RABGAP1L: variants seen among roughly 807,000 people sequenced by gnomAD.
RABGAP1L encodes the protein RAB GTPase activating protein 1 like, also known as rab GTPase-activating protein 1-like.
A neutral mutation model predicts 137.7 loss-of-function variants in RABGAP1L; 63 were observed. The observed-to-expected ratio is 0.46, with a 90% CI of 0.37 to 0.56. The LOEUF (loss-of-function observed/expected upper bound fraction) is 0.56, where lower values mean the gene tolerates loss of function less well. RABGAP1L is among the 20% of genes least tolerant of loss of function. The pLI is 0.00. For synonymous variants in RABGAP1L, 431 were observed against 433.7 expected, an observed-to-expected ratio of 0.99 and a Z score of 0.08; for missense variants, 1,095 against 1,244.0, an observed-to-expected ratio of 0.88 and a Z score of 1.80.
intron 19 of RABGAP1L, among the ~76,000 whole-genome samples, chr1:174,882,346 G>A (rs1007593164): frequency 6.6e-6 from 1 of 152,100 alleles, no homozygotes; most frequent in African/African-American, 2.4e-5. Context: ...TGGTTCTCAG[G>A]TGTGGATACT....
chr1:174,936,326 G>A lies in RABGAP1L; in HGVS notation c.2341-21131G>A, dbSNP rs546079700. ...CTACTAAAAATAAGAAAATTAGCTG[G>A]GAGTGCTGGCATAGACCTGTGGTGC... is the stretch of plus-strand genomic sequence containing the variant. On this transcript the variant is annotated intron_variant, in intron 19 of 25. Coordinates refer to ENST00000681986, the MANE Select transcript of RABGAP1L (RefSeq NM_001366446.1). Among the ~76,000 whole-genome samples the A allele has an allele frequency of 2.6e-5, 4 of 152,044 alleles. No individual in the cohort carries two copies. The South Asian group carries it at 6.2e-4, about 24-fold the overall frequency.
At chr1:174,720,868 T>G (rs1053102521) in intron 17 of RABGAP1L, among the ~76,000 whole-genome samples, 10 of 152,202 alleles carry the variant, frequency 6.6e-5, no homozygotes, top group Non-Finnish European at 1.2e-4. Context: ...GCAAATATAC[T>G]AAAAACCAAC....
At chr1:174,352,437 CTT>C (rs911329836) in intron 11 of RABGAP1L, among the ~76,000 whole-genome samples, 7 of 152,178 alleles carry the variant, frequency 4.6e-5, no homozygotes, top group Admixed American at 1.3e-4. Context: ...ATTTCAGTCT[CTT>C]TGTTAAATTT....
rs150032273 is a variant in RABGAP1L, at chr1:174,977,515, A to G, written c.2650-1292A>G. On this transcript the variant is annotated intron_variant, in intron 22 of 25. Coordinates refer to ENST00000681986, the MANE Select transcript of RABGAP1L (RefSeq NM_001366446.1). Reference sequence around the variant, plus strand: ...CAATTGATACCTAAAATGGGAAGGAATATGACACTTGAATACTCACCTAGT... The same window carrying G: ...CAATTGATACCTAAAATGGGAAGGAGTATGACACTTGAATACTCACCTAGT... 8.1e-4 allele frequency among the ~76,000 whole-genome samples: 123 copies of G among 152,378 alleles called. 1 individual carries two copies. Among genetic ancestry groups the G allele is most frequent in the African/African-American group, 2.8e-3 (115 of 41,584 alleles).
At chr1:174,164,042 C>T (rs1664719055) in intron 1 of RABGAP1L, among the ~76,000 whole-genome samples, 1 of 152,058 alleles carries the variant, frequency 6.6e-6, no homozygotes, top group Non-Finnish European at 1.5e-5. Context: ...GGAACATGAG[C>T]ACAAATACTA....
chr1:174,463,729 C>A (rs1321041049), intron 13 of RABGAP1L, among the ~76,000 whole-genome samples: 1 of 151,906 alleles, frequency 6.6e-6, no homozygotes, highest in African/African-American at 2.4e-5. Context: ...CTCAACATCA[C>A]TTAGCATTAG....
chr1:174,692,255 G>T (rs1020092926), intron 15 of RABGAP1L, among the ~76,000 whole-genome samples: 1 of 152,042 alleles, frequency 6.6e-6, no homozygotes, highest in African/African-American at 2.4e-5. Context: ...GTTGTGGAGC[G>T]GGGGGTACAA....
intron 13 of RABGAP1L, among the ~76,000 whole-genome samples, chr1:174,590,123 C>CTTTTTTTT (rs1166364912): frequency 6.5e-4 from 39 of 59,800 alleles, no homozygotes; most frequent in Non-Finnish European, 1.0e-3. Context: ...TCTTCAGTTT[C>CTTTTTTTT]TTTTTTTTTT....
At chr1:174,753,129 A>C (rs186761256) in intron 18 of RABGAP1L, among the ~76,000 whole-genome samples, 4 of 149,176 alleles carry the variant, frequency 2.7e-5, no homozygotes, top group Admixed American at 2.6e-4. Flanking sequence ...CTAAGTGCTC[A>C]AAGTCTGGGT....
chr1:174,780,946 C>T (rs573051091), intron 18 of RABGAP1L, among the ~76,000 whole-genome samples: 2 of 152,038 alleles, frequency 1.3e-5, no homozygotes, highest in African/African-American at 4.8e-5. Context: ...ATATGTGCCA[C>T]ATTTTCTTAA....
intron 11 of RABGAP1L, among the ~76,000 whole-genome samples, chr1:174,332,594 C>G (rs1681127600): frequency 6.6e-6 from 1 of 151,916 alleles, no homozygotes; most frequent in Admixed American, 6.6e-5. Context: ...TGGGGTTTTC[C>G]CATTTTGGCC....
intron 14 of RABGAP1L, among the ~76,000 whole-genome samples, chr1:174,642,604 G>A (rs1674614924): frequency 6.6e-6 from 1 of 151,954 alleles, no homozygotes; most frequent in Admixed American, 6.6e-5. Flanking sequence ...AGCCCTAGTT[G>A]AAATGTCAGC....
chr1:174,867,626 A>G (rs1651502960), intron 19 of RABGAP1L, among the ~76,000 whole-genome samples: 1 of 151,988 alleles, frequency 6.6e-6, no homozygotes, highest in Non-Finnish European at 1.5e-5. Context: ...TTTAATCATA[A>G]CTCTCATTTA....
chr1:174,208,483 GT>G (rs1668651672), intron 1 of RABGAP1L, among the ~76,000 whole-genome samples: 1 of 151,848 alleles, frequency 6.6e-6, no homozygotes, highest in Admixed American at 6.6e-5. Context: ...GAGAGTTTTT[GT>G]TTTGTTTTGT....
intron 1 of RABGAP1L, among the ~76,000 whole-genome samples, chr1:174,208,707 A>G (rs1379963154): frequency 2.0e-5 from 3 of 152,118 alleles, no homozygotes; most frequent in Non-Finnish European, 4.4e-5. Flanking sequence ...ATAGATATGG[A>G]TGTATAGTTT....
At chr1:174,835,984 T>G (rs1754352) in intron 19 of RABGAP1L, among the ~76,000 whole-genome samples, 98,244 of 152,080 alleles carry the variant, frequency 0.65, 34,245 homozygotes, top group East Asian at 0.93. Flanking sequence ...CTAAAATGAC[T>G]GCATGGTTCA....
At chr1:174,654,002 G>A (rs1400025945) in intron 14 of RABGAP1L, among the ~76,000 whole-genome samples, 1 of 152,154 alleles carries the variant, frequency 6.6e-6, no homozygotes, top group African/African-American at 2.4e-5. Context: ...AATAGGGAAG[G>A]AGCTGGGAGA....
intron 11 of RABGAP1L, among the ~76,000 whole-genome samples, chr1:174,339,702 G>A (rs533917267): frequency 6.6e-6 from 1 of 152,004 alleles, no homozygotes; most frequent in African/African-American, 2.4e-5. Flanking sequence ...TGCTTCCCAG[G>A]TTCAATTGAT....
intron 13 of RABGAP1L, among the ~76,000 whole-genome samples, chr1:174,421,949 A>G (rs186842590): frequency 6.6e-6 from 1 of 151,440 alleles, no homozygotes; most frequent in Admixed American, 6.5e-5. Context: ...TTGTATTTTT[A>G]GTAGAGACAG....
Sources: gnomAD v4.1 joint callset for allele counts (sites outside exome capture counted in the v4.1 genomes callset) on GRCh38, gnomAD v4.1.1 for gene constraint, MANE v1.5 for transcripts, NCBI Gene and HGNC (gene_info 2026-07-23, HGNC 2026-07-21) for gene names.